The following SCHIP1 variants were observed in gnomAD, a reference collection of about 807,000 sequenced individuals.
The protein encoded by SCHIP1 is schwannomin-interacting protein 1.
Under a neutral mutation model 29.7 loss-of-function variants are expected in SCHIP1, and 8 were observed. That is an observed-to-expected ratio of 0.27 (90% CI 0.16 to 0.49). The LOEUF is 0.49. Among genes scored for constraint, SCHIP1 ranks in the 20% least tolerant of loss-of-function variants. The pLI is 0.99. For synonymous variants in SCHIP1, 76 were observed against 94.9 expected, an observed-to-expected ratio of 0.80 and a Z score of 1.16; for missense variants, 193 against 294.6, an observed-to-expected ratio of 0.66 and a Z score of 2.52.
chr3:159,543,770 C>A, the SCHIP1 span, among the ~76,000 whole-genome samples: 1 of 152,060 alleles, frequency 6.6e-6, no homozygotes, highest in Non-Finnish European at 1.5e-5. Flanking sequence ...ATTTCTAGTT[C>A]TAGATCCCTG....
chr3:159,773,009 G>A, the SCHIP1 span, among the ~76,000 whole-genome samples: 3 of 152,202 alleles, frequency 2.0e-5, no homozygotes, highest in Non-Finnish European at 4.4e-5. Flanking sequence ...CCAAAGTGCT[G>A]GGATTACAGG....
chr3:159,462,082 C>T, the SCHIP1 span, among the ~76,000 whole-genome samples: 1 of 151,852 alleles, frequency 6.6e-6, no homozygotes, highest in Non-Finnish European at 1.5e-5. Context: ...TAGTGGTGCG[C>T]ACCTGTAATC....
intron 2 of SCHIP1, among the ~76,000 whole-genome samples, chr3:159,867,847 ATC>A (rs1325505211): frequency 4.6e-5 from 7 of 151,872 alleles, no homozygotes; most frequent in African/African-American, 1.5e-4. Flanking sequence ...CATCTTATAG[ATC>A]TCTGCTACTG....
chr3:159,365,622 T>C, the SCHIP1 span, among the ~76,000 whole-genome samples: 1 of 152,194 alleles, frequency 6.6e-6, no homozygotes, highest in Non-Finnish European at 1.5e-5. Flanking sequence ...CTACATTAGA[T>C]GGTTGAGTTG....
chr3:159,637,421 A>ACACACACACACC, the SCHIP1 span, among the ~76,000 whole-genome samples: 2 of 136,472 alleles, frequency 1.5e-5, no homozygotes, highest in African/African-American at 5.8e-5. Flanking sequence ...ACACACACAC[A>ACACACACACACC]CCTGACTCTT....
intron 2 of SCHIP1, among the ~76,000 whole-genome samples, chr3:159,884,408 T>G (rs1443443120): frequency 2.6e-5 from 4 of 151,484 alleles, no homozygotes; most frequent in African/African-American, 9.7e-5. Flanking sequence ...TGTATGTATA[T>G]CCAATGGATA....
the SCHIP1 span, among the ~76,000 whole-genome samples, chr3:159,420,037 G>A: frequency 1.1e-4 from 16 of 152,268 alleles, no homozygotes; most frequent in South Asian, 1.2e-3. Flanking sequence ...ATGACCATCC[G>A]TTAAGAGCTT....
chr3:159,528,546 T>C, the SCHIP1 span, among the ~76,000 whole-genome samples: 1 of 152,192 alleles, frequency 6.6e-6, no homozygotes, highest in Non-Finnish European at 1.5e-5. Flanking sequence ...CTTAATTGTG[T>C]CGCTTCCTGC....
At chr3:159,780,985 T>A in the SCHIP1 span, among the ~76,000 whole-genome samples, 1 of 152,332 alleles carries the variant, frequency 6.6e-6, no homozygotes, top group East Asian at 1.9e-4. Flanking sequence ...AGGAATCAGA[T>A]CATCATCTCC....
chr3:159,315,131 A>G, the SCHIP1 span, among the ~76,000 whole-genome samples: 1 of 151,330 alleles, frequency 6.6e-6, no homozygotes, highest in East Asian at 1.9e-4. Context: ...CCAGAAATGT[A>G]TGAGAGTTAT....
the SCHIP1 span, among the ~76,000 whole-genome samples, chr3:159,802,170 T>G: frequency 5.1e-4 from 77 of 152,356 alleles, no homozygotes; most frequent in African/African-American, 1.6e-3. Context: ...TTGTCCATAT[T>G]AGCTTATTTA....
intron 2 of SCHIP1, among the ~76,000 whole-genome samples, chr3:159,869,707 A>G (rs1715038225): frequency 6.6e-6 from 1 of 151,440 alleles, no homozygotes; most frequent in Non-Finnish European, 1.5e-5. Flanking sequence ...ATTCCTCCAC[A>G]TAAACTTTAA....
the SCHIP1 span, among the ~76,000 whole-genome samples, chr3:159,754,433 A>G: frequency 2.0e-5 from 3 of 152,320 alleles, no homozygotes; most frequent in Admixed American, 1.3e-4. Context: ...TATATTGTCT[A>G]TGATTTTAAA....
chr3:159,280,562 G>C, the SCHIP1 span, among the ~76,000 whole-genome samples: 1 of 152,122 alleles, frequency 6.6e-6, no homozygotes, highest in Non-Finnish European at 1.5e-5. Flanking sequence ...GGACACGAAA[G>C]CTTAACAAGA....
chr3:159,544,341 C>T, the SCHIP1 span, among the ~76,000 whole-genome samples: 1 of 151,938 alleles, frequency 6.6e-6, no homozygotes, highest in African/African-American at 2.4e-5. Flanking sequence ...AACAATGCTT[C>T]AAGAGCATTC....
At chr3:159,875,939 A>G (rs1393868387) in intron 2 of SCHIP1, among the ~76,000 whole-genome samples, 1 of 152,222 alleles carries the variant, frequency 6.6e-6, no homozygotes, top group Non-Finnish European at 1.5e-5. Flanking sequence ...GAACAAAACA[A>G]AACAAAACAA....
chr3:159,636,810 C>T, the SCHIP1 span, among the ~76,000 whole-genome samples: 3 of 152,164 alleles, frequency 2.0e-5, no homozygotes, highest in Admixed American at 6.5e-5. Context: ...GTAATAATTC[C>T]TCTTGAACTA....
intron 5 of SCHIP1, among the ~76,000 whole-genome samples, chr3:159,891,421 G>A (rs910918770): frequency 1.2e-4 from 18 of 151,942 alleles, no homozygotes; most frequent in Non-Finnish European, 2.4e-4. Flanking sequence ...AGGGAGCGAG[G>A]GAGGGAGGGA....
chr3:159,849,141 G>A (rs1278971102), intron 1 of SCHIP1, among the ~76,000 whole-genome samples: 1 of 152,014 alleles, frequency 6.6e-6, no homozygotes, highest in African/African-American at 2.4e-5. Context: ...GTTTTGTTGG[G>A]AAATTTCCAT....
Sources: gnomAD v4.1 joint callset for allele counts (sites outside exome capture counted in the v4.1 genomes callset) on GRCh38, gnomAD v4.1.1 for gene constraint, MANE v1.5 for transcripts, NCBI Gene and HGNC (gene_info 2026-07-23, HGNC 2026-07-21) for gene names.